EHD2: variants seen among roughly 807,000 people sequenced by gnomAD.
The protein encoded by EHD2 is EH domain-containing protein 2.
EHD2 carries 27 observed loss-of-function variants against 41.0 expected under a neutral mutation model. That is an observed-to-expected ratio of 0.66 (90% CI 0.49 to 0.91). The LOEUF (loss-of-function observed/expected upper bound fraction) is 0.91, where lower values mean the gene tolerates loss of function less well. Ranked by LOEUF, EHD2 falls within the 40% of genes least tolerant of loss-of-function variation. The probability of loss-of-function intolerance (pLI) is 0.00; values close to 1 mark genes in which losing one functional copy is unlikely to be tolerated. For synonymous variants in EHD2, 342 were observed against 341.0 expected (o/e 1.00, Z -0.03); for missense variants, 673 against 773.9 (o/e 0.87, Z 1.55).
chr19:47,739,750 G>C (rs984400084), intron 5 of EHD2, among the ~76,000 whole-genome samples: 1 of 145,280 alleles, frequency 6.9e-6, no homozygotes, highest in Non-Finnish European at 1.5e-5. Flanking sequence ...AGCCTGCTGA[G>C]TTTTTTTTTT....
intron 4 of EHD2, among the ~76,000 whole-genome samples, chr19:47,735,845 G>A (rs1966915723): frequency 6.6e-6 from 1 of 150,666 alleles, no homozygotes; most frequent in Non-Finnish European, 1.5e-5. Context: ...GTTGGAGGTT[G>A]CAGCGAGCTG....
rs749248447 is a variant in EHD2, at chr19:47,741,282, T to C, written c.1482T>C (p.Asp494=). 8.1e-6 allele frequency: 13 copies of C among 1,613,892 alleles called. No homozygotes were observed. Among genetic ancestry groups the C allele is most frequent in the African/African-American group, 8.0e-5 (6 of 74,908 alleles). Residue 494 remains aspartate (D), a synonymous_variant, in exon 6 of 6, where the codon GAT becomes GAC. Coordinates refer to ENST00000263277, the MANE Select transcript of EHD2 (RefSeq NM_014601.4). This position sits in a 1 kb window ranked among gnomAD's most constrained non-coding sequence, Gnocchi z 4.5. The part of the protein sequence containing the change: ...SVLGRIWKLS[D]VDRDGMLDDE... ...TGGGGCGCATCTGGAAGCTCAGCGA[T>C]GTGGACCGCGACGGCATGCTGGATG...
In EHD2 at chr19:47,721,164, G is replaced by GGTGT. The variant is rs60140753; in HGVS notation, c.502+2587_502+2590dup. Among the ~76,000 whole-genome samples the GGTGT allele has an allele frequency of 6.7e-3, 384 of 57,138 alleles. 3 individuals are homozygous for GGTGT. The highest frequency in any genetic ancestry group is 0.026 in the African/African-American group (309 of 11,678). 37.5% of individuals were successfully genotyped at this position (57,138 alleles called of 152,430 possible). On this transcript the variant is annotated intron_variant, in intron 3 of 5. Transcript: ENST00000263277. ...GTTTGTGTCTGGATGTGCTACTGGG[G>GGTGT]GTGTGTGTGTGTGTGTGTGTGTGTG... is the stretch of plus-strand genomic sequence containing the variant.
chr19:47,740,980 A>G lies in EHD2; in HGVS notation c.1180A>G (p.Met394Val). 1 of 1,611,754 alleles carries G rather than the reference A, an allele frequency of 6.2e-7. No individual in the cohort carries two copies. Among genetic ancestry groups the G allele is most frequent in the Non-Finnish European group, 8.5e-7 (1 of 1,179,542 alleles). The change falls in exon 6 of 6, where the codon ATG becomes GTG. Residue 394 changes from methionine to valine, a missense_variant. By Grantham distance (21) the Met-to-Val change is conservative. Coordinates refer to ENST00000263277, the MANE Select transcript of EHD2 (RefSeq NM_014601.4). ...GCTGACGCACGACATCGCCAAGCTC[A>G]TGCCCCTGCTGCGGCAGGAGGAGCT... ...EMLTHDIAKL[M>V]PLLRQEELES... is the part of the protein sequence containing the mutation.
At chr19:47,721,377 C>G (rs569890695) in intron 3 of EHD2, among the ~76,000 whole-genome samples, 1 of 151,576 alleles carries the variant, frequency 6.6e-6, no homozygotes, top group Admixed American at 6.6e-5. Flanking sequence ...TGCAGTGGTG[C>G]GACCTCGGCT....
intron 5 of EHD2, among the ~76,000 whole-genome samples, chr19:47,737,227 G>A (rs1489214725): frequency 4.7e-5 from 6 of 126,324 alleles, no homozygotes; most frequent in African/African-American, 1.4e-4. Flanking sequence ...GCGAGACTCC[G>A]TCTCAAAAAA....
intron 4 of EHD2, among the ~76,000 whole-genome samples, chr19:47,733,805 T>C (rs1655902444): frequency 1.1e-5 from 1 of 93,910 alleles, no homozygotes; most frequent in African/African-American, 3.8e-5. Flanking sequence ...AAAAAAAGAG[T>C]GAAGAAAGCA....
intron 4 of EHD2, chr19:47,731,279 A>AAAAAAAATATATAT: frequency 1.5e-4 from 9 of 60,928 alleles, no homozygotes; most frequent in African/African-American, 4.4e-4. Context: ...AAAAAAAAAA[A>AAAAAAAATATATAT]ATATATATAT....
chr19:47,726,493 CTCT>C (rs1023137233), intron 4 of EHD2, among the ~76,000 whole-genome samples: 6 of 151,000 alleles, frequency 4.0e-5, no homozygotes, highest in Non-Finnish European at 5.9e-5. Flanking sequence ...CCTCCTCCTT[CTCT>C]TCTTCTTCTT....
chr19:47,714,327 T>C (rs115765465), intron 1 of EHD2, among the ~76,000 whole-genome samples: 2,174 of 152,266 alleles, frequency 0.014, 50 homozygotes, highest in African/African-American at 0.05. Flanking sequence ...CAGGTTCTTT[T>C]AGTGGGGAAT....
At chr19:47,731,278 A>AAAAAAAAAAAAAAAT in intron 4 of EHD2, 1 of 37,450 alleles carries the variant, frequency 2.7e-5, no homozygotes, top group Non-Finnish European at 7.0e-5. Context: ...AAAAAAAAAA[A>AAAAAAAAAAAAAAAT]AATATATATA....
Position 47,730,337 on chromosome 19 carries a change from AC to A in EHD2, c.915+4117del, listed in dbSNP as rs1252791058. Among the ~76,000 whole-genome samples the A allele has an allele frequency of 2.1e-5, 3 of 143,702 alleles. 1 individual carries two copies. The highest frequency in any genetic ancestry group is 4.6e-5 in the Non-Finnish European group (3 of 65,820). The allele number at this position is 143,702 out of a possible 152,430, so 94.3% of individuals were successfully genotyped here. Reference sequence around the variant, plus strand: ...CAGGCCCCGCCCCCAGCCCGGCCACACCCCTGCCCTGATTGGTCCTTCAGAC... The same window carrying A: ...CAGGCCCCGCCCCCAGCCCGGCCACACCCTGCCCTGATTGGTCCTTCAGAC... On this transcript the variant is annotated intron_variant, in intron 4 of 5. Coordinates refer to ENST00000263277, the MANE Select transcript of EHD2 (RefSeq NM_014601.4).
chr19:47,741,693 GCATC>G lies in EHD2; in HGVS notation c.*271_*274del. ...ATCACACACACACTGGCACACGCAG[GCATC>G]CATCCATCCGTCATTCATTCAAATA... On this transcript the variant is annotated 3_prime_UTR_variant, in exon 6 of 6. Transcript: ENST00000263277. This position sits in a 1 kb window ranked among gnomAD's most constrained non-coding sequence, Gnocchi z 4.5. 1 of 632,808 alleles carries G rather than the reference GCATC, an allele frequency of 1.6e-6. No homozygotes were observed. The highest frequency in any genetic ancestry group is 2.8e-6 in the Non-Finnish European group (1 of 352,756). The allele number at this position is 632,808 out of a possible 1,614,324, so 39.2% of individuals were successfully genotyped here.
At position 47,717,028 on chromosome 19, in the gene EHD2, G is replaced by A. The variant is rs770441196; in HGVS notation, c.404+12G>A. 22 of 1,598,994 alleles carry A rather than the reference G, an allele frequency of 1.4e-5. No individual in the cohort carries two copies. Among genetic ancestry groups the A allele is most frequent in the East Asian group, 6.7e-5 (3 of 44,858 alleles). ...ACCTTCCTCAACAGGTGTGCCAGCC[G>A]CGAGCCCAGGGCGCATCTTTCTTTT... On this transcript the variant is annotated intron_variant, in intron 2 of 5. Transcript: ENST00000263277.
At chr19:47,726,249 C>T (rs1973751352) in intron 4 of EHD2, 25 bp downstream of exon 4, 3 of 1,460,724 alleles carry the variant, frequency 2.1e-6, no homozygotes, top group East Asian at 2.4e-5. Context: ...GGGCTGGGCG[C>T]GCATTCTTGG....
rs576088603 is a variant in EHD2 at position 47,719,839 on chromosome 19, G to A, written c.502+1233G>A. 3.9e-5 allele frequency among the ~76,000 whole-genome samples: 6 copies of A among 152,188 alleles called. No homozygotes were observed. In the East Asian group the frequency reaches 5.8e-4, roughly 15 times the overall value. ...TCAGCCAGGGCAGGGGTGCCGGCAG[G>A]GGGGTTCAAAGGCCATGGGTGGTGG... On this transcript the variant is annotated intron_variant, in intron 3 of 5. Coordinates refer to ENST00000263277, the MANE Select transcript of EHD2 (RefSeq NM_014601.4). This position sits in a 1 kb window ranked among gnomAD's most constrained non-coding sequence, Gnocchi z 4.1.
In EHD2 at chr19:47,736,513, C is replaced by A; in HGVS notation, c.1060C>A (p.Pro354Thr). Reference protein sequence around the residue: ...LEHHISPGDFPDCQKMQELLM... With the variant: ...LEHHISPGDFTDCQKMQELLM... ...ACATCACATCTCCCCTGGGGACTTT[C>A]CTGATTGCCAGAAAATGCAGGTGGG... Residue 354 changes from proline to threonine, a missense_variant, in exon 5 of 6, where the codon CCT (proline) becomes ACT (threonine). Pro to Thr is a conservative substitution (Grantham distance 38, BLOSUM62 -1). Transcript: ENST00000263277. The A allele has an allele frequency of 5.6e-6, 9 of 1,593,582 alleles. No homozygotes were observed. Among genetic ancestry groups the A allele is most frequent in the Non-Finnish European group, 7.7e-6 (9 of 1,169,984 alleles).
Position 47,741,092 on chromosome 19 carries a change from T to C in EHD2, c.1292T>C (p.Met431Thr). 3.7e-6 allele frequency: 6 copies of C among 1,610,180 alleles called. No individual in the cohort carries two copies. Among genetic ancestry groups the C allele is most frequent in the African/African-American group, 1.3e-5 (1 of 75,036 alleles). The change falls in exon 6 of 6, where the codon ATG (methionine) becomes ACG (threonine). Residue 431 changes from methionine (M) to threonine (T), a missense_variant. Transcript: ENST00000263277. The surrounding 1 kb of genome is among the most constrained non-coding windows in gnomAD (Gnocchi z 4.5). ...PFVERGPDEA[M>T]EDGEEGSDDE... ...GTGGAGCGGGGACCTGACGAGGCCA[T>C]GGAGGACGGCGAGGAGGGCTCGGAC...
chr19:47,732,442 A>G (rs1200087157), intron 4 of EHD2, among the ~76,000 whole-genome samples: 3 of 150,552 alleles, frequency 2.0e-5, no homozygotes, highest in Non-Finnish European at 4.4e-5. Flanking sequence ...TTTTAGAGAC[A>G]AAGGCTCGCT....
Sources: allele counts gnomAD v4.1 joint callset (sites outside exome capture counted in the v4.1 genomes callset), GRCh38; gene constraint gnomAD v4.1.1; non-coding constraint Gnocchi (gnomAD v3.1); transcripts MANE v1.5; gene names NCBI Gene and HGNC (gene_info 2026-07-23, HGNC 2026-07-21).